Variants in ARHGAP35 observed in about 807,000 individuals in gnomAD.
The protein encoded by ARHGAP35 is rho GTPase-activating protein 35.
A neutral mutation model predicts 111.1 loss-of-function variants in ARHGAP35; 15 were observed. That is an observed-to-expected ratio of 0.13 (90% CI 0.09 to 0.21). ARHGAP35 has a LOEUF of 0.21. ARHGAP35 is among the 10% of genes least tolerant of loss of function. The pLI, the probability that ARHGAP35 is intolerant of heterozygous loss-of-function variation, is 1.00. For missense variants in ARHGAP35, 1,262 were observed against 1,873.0 expected (o/e 0.67, Z 6.02); for synonymous variants, 643 against 710.3 (o/e 0.91, Z 1.51).
chr19:46,925,103 C>T (rs573221145), intron 2 of ARHGAP35, among the ~76,000 whole-genome samples: 2 of 152,292 alleles, frequency 1.3e-5, no homozygotes, highest in South Asian at 4.1e-4. Context: ...GTGGGCCACA[C>T]CTCTTCAAGT....
chr19:46,952,236 A>C (rs1233511803), intron 3 of ARHGAP35, among the ~76,000 whole-genome samples: 3 of 152,206 alleles, frequency 2.0e-5, no homozygotes, highest in African/African-American at 7.2e-5. Flanking sequence ...TTAGAATAGA[A>C]TATTAAAACT....
In ARHGAP35 at chr19:46,920,962, C is replaced by T. The variant is rs184959520; in HGVS notation, c.2287C>T (p.Arg763Cys). ...QVLKGLLDSKRNLNLVSSTAS... is the reference protein window; with the variant it reads ...QVLKGLLDSKCNLNLVSSTAS... ...TTTGAAGGGACTCCTGGACTCTAAG[C>T]GTAACTTAAACCTGGTCAGTTCTAC... The change falls in exon 2 of 7, where the codon CGT becomes TGT. Residue 763 changes from arginine (R) to cysteine (C), a missense_variant. Arg to Cys is a radical substitution (Grantham distance 180, BLOSUM62 -3). Coordinates refer to ENST00000672722, the MANE Select transcript of ARHGAP35 (RefSeq NM_004491.5). The surrounding 1 kb of genome is among the most constrained non-coding windows in gnomAD (Gnocchi z 7.0). The T allele has an allele frequency of 1.2e-4, 191 of 1,613,966 alleles. No individual in the cohort carries two copies. In the East Asian group the frequency reaches 2.3e-3, roughly 19 times the overall value.
At chr19:46,944,668 C>T (rs141296168) in intron 3 of ARHGAP35, among the ~76,000 whole-genome samples, 1 of 152,262 alleles carries the variant, frequency 6.6e-6, no homozygotes, top group Non-Finnish European at 1.5e-5. Flanking sequence ...AGAGGTGGCA[C>T]GTGGCAGTTT....
At chr19:46,941,741 G>A (rs2056348216) in intron 3 of ARHGAP35, among the ~76,000 whole-genome samples, 1 of 150,632 alleles carries the variant, frequency 6.6e-6, no homozygotes, top group Admixed American at 6.6e-5. Flanking sequence ...TGTATTTTTT[G>A]TGGAGACAAA....
intron 3 of ARHGAP35, among the ~76,000 whole-genome samples, chr19:46,956,333 G>A (rs963095700): frequency 2.6e-5 from 4 of 151,858 alleles, no homozygotes; most frequent in African/African-American, 9.7e-5. Flanking sequence ...AAAAATTTAT[G>A]AAATTACCTT....
At chr19:46,863,277 G>T (rs972862706) in intron 1 of ARHGAP35, among the ~76,000 whole-genome samples, 1 of 152,152 alleles carries the variant, frequency 6.6e-6, no homozygotes. Context: ...TTCTCTCTCT[G>T]CGCCCTAACC....
intron 1 of ARHGAP35, among the ~76,000 whole-genome samples, chr19:46,867,304 T>G (rs2055863465): frequency 6.6e-6 from 1 of 152,238 alleles, no homozygotes; most frequent in South Asian, 2.1e-4. Flanking sequence ...ATTATAGATC[T>G]GCAGGTATTT....
rs148593344 is a variant in ARHGAP35, at chr19:47,002,278, C to G, written c.*1590C>G. 1.3e-5 allele frequency: 2 copies of G among 152,950 alleles called. No individual in the cohort carries two copies. Among genetic ancestry groups the G allele is most frequent in the Non-Finnish European group, 2.9e-5 (2 of 68,154 alleles). The allele number at this position is 152,950 out of a possible 1,614,324, so 9.5% of individuals were successfully genotyped here. ...ACCTTTCCCGGGCGTCTGCAGCTGC[C>G]CTGCCCGTGCCCGCCTGCAGTGGTT... On this transcript the variant is annotated 3_prime_UTR_variant, in exon 7 of 7. Transcript: ENST00000672722.
chr19:46,911,170 G>A (rs1337894106), intron 1 of ARHGAP35, among the ~76,000 whole-genome samples: 1 of 152,132 alleles, frequency 6.6e-6, no homozygotes, highest in Non-Finnish European at 1.5e-5. Context: ...TATTATTCAT[G>A]CCTTTTATGT....
At chr19:46,951,593 A>G (rs925907166) in intron 3 of ARHGAP35, among the ~76,000 whole-genome samples, 2 of 152,170 alleles carry the variant, frequency 1.3e-5, no homozygotes, top group African/African-American at 4.8e-5. Context: ...GGGGATAATG[A>G]TGGTACTTTG....
Position 46,920,710 on chromosome 19 carries a change from G to A in ARHGAP35, c.2035G>A (p.Glu679Lys), listed in dbSNP as rs2056193739. 6.2e-7 allele frequency: 1 copy of A among 1,613,798 alleles called. No individual in the cohort carries two copies. The highest frequency in any genetic ancestry group is 1.3e-5 in the African/African-American group (1 of 75,042). ...GCTATCCTATGTAGTGGAAAGTATA[G>A]AGAAGAGTAGAGAGTCCACGCTGGG... ...ESLSYVVESI[E>K]KSRESTLGRR... Residue 679 changes from glutamate (E) to lysine (K), a missense_variant, in exon 2 of 7, where the codon GAG becomes AAG. By Grantham distance (56) the Glu-to-Lys change is moderately conservative (BLOSUM62 1). This residue lies in a region of ARHGAP35 where 579 missense variants were observed against 716.9 expected (regional missense o/e 0.81). Coordinates refer to ENST00000672722, the MANE Select transcript of ARHGAP35 (RefSeq NM_004491.5). This position sits in a 1 kb window ranked among gnomAD's most constrained non-coding sequence, Gnocchi z 7.0.
intron 1 of ARHGAP35, among the ~76,000 whole-genome samples, chr19:46,912,823 G>A (rs772769200): frequency 4.1e-5 from 6 of 146,546 alleles, no homozygotes; most frequent in Non-Finnish European, 7.4e-5. Context: ...GTCTTTTCAA[G>A]TGTCTACCAA....
At chr19:46,927,919 C>G (rs772935266) in intron 2 of ARHGAP35, among the ~76,000 whole-genome samples, 4 of 152,116 alleles carry the variant, frequency 2.6e-5, no homozygotes, top group Non-Finnish European at 5.9e-5. Flanking sequence ...ATATTTAGAC[C>G]ACTCAATCAG....
intron 1 of ARHGAP35, among the ~76,000 whole-genome samples, chr19:46,892,763 G>C (rs1214360189): frequency 6.6e-6 from 1 of 151,188 alleles, no homozygotes; most frequent in Non-Finnish European, 1.5e-5. Flanking sequence ...TGTCCTCATA[G>C]TTCTTTCCAT....
chr19:46,980,211 C>T (rs1479148665), intron 3 of ARHGAP35, among the ~76,000 whole-genome samples: 1 of 152,078 alleles, frequency 6.6e-6, no homozygotes, highest in Non-Finnish European at 1.5e-5. Context: ...ATGGTGAAAC[C>T]TCGTCTCTAC....
At chr19:46,880,947 CTTTTTTTTTTTT>C (rs1206653160) in intron 1 of ARHGAP35, among the ~76,000 whole-genome samples, 3 of 113,750 alleles carry the variant, frequency 2.6e-5, no homozygotes, top group Non-Finnish European at 5.6e-5. Flanking sequence ...AATGAATGTT[CTTTTTTTTTTTT>C]TTTTTTTGAG....
At chr19:46,881,105 C>T (rs1049052913) in intron 1 of ARHGAP35, among the ~76,000 whole-genome samples, 3 of 152,088 alleles carry the variant, frequency 2.0e-5, no homozygotes, top group Admixed American at 6.6e-5. Flanking sequence ...CCACCACACC[C>T]AGCTAATTTT....
chr19:46,984,764 G>A (rs969570969), intron 3 of ARHGAP35, among the ~76,000 whole-genome samples: 31 of 152,192 alleles, frequency 2.0e-4, no homozygotes, highest in Admixed American at 5.9e-4. Context: ...TTTGTGTGAC[G>A]ATCCATCTAG....
intron 1 of ARHGAP35, among the ~76,000 whole-genome samples, chr19:46,915,929 C>CTTTT (rs869240851): frequency 3.5e-5 from 4 of 113,564 alleles, no homozygotes; most frequent in Admixed American, 1.8e-4. Flanking sequence ...AATCCAAACT[C>CTTTT]TTTTTTTTTT....
Sources: allele counts gnomAD v4.1 joint callset (sites outside exome capture counted in the v4.1 genomes callset), GRCh38; gene constraint gnomAD v4.1.1; regional missense constraint gnomAD v4.1.1; non-coding constraint Gnocchi (gnomAD v3.1); transcripts MANE v1.5; gene names NCBI Gene and HGNC (gene_info 2026-07-23, HGNC 2026-07-21).